IL18R1: variants seen among roughly 807,000 people sequenced by gnomAD.
The protein encoded by IL18R1 is interleukin-18 receptor 1.
Under a neutral mutation model 48.5 loss-of-function variants are expected in IL18R1, and 40 were observed. The observed-to-expected ratio is 0.82, with a 90% CI of 0.64 to 1.07. The LOEUF (loss-of-function observed/expected upper bound fraction) is 1.07. Ranked by LOEUF, IL18R1 falls within the 50% of genes least tolerant of loss-of-function variation. IL18R1 has a pLI of 0.00. For missense variants in IL18R1, 596 were observed against 633.7 expected, an observed-to-expected ratio of 0.94 and a Z score of 0.64; for synonymous variants, 232 against 225.9, an observed-to-expected ratio of 1.03 and a Z score of -0.24.
At chr2:102,386,596 T>G (rs1680241815) in intron 7 of IL18R1, among the ~76,000 whole-genome samples, 1 of 152,228 alleles carries the variant, frequency 6.6e-6, no homozygotes, top group Admixed American at 6.5e-5. Flanking sequence ...ATTTTCAACT[T>G]AGCATCATGA....
Position 102,397,010 on chromosome 2 carries a change from G to C in IL18R1, c.*124G>C. On this transcript the variant is annotated 3_prime_UTR_variant, in exon 11 of 11. Coordinates refer to ENST00000233957, the MANE Select transcript of IL18R1 (RefSeq NM_003855.5). ...TTTGTCAAAATCCTGCTCACAATTT[G>C]AAGATGAAACTTGTCATTAGGTTGG... 1 of 650,590 alleles carries C rather than the reference G, an allele frequency of 1.5e-6. No individual in the cohort carries two copies. Among genetic ancestry groups the C allele is most frequent in the Non-Finnish European group, 2.6e-6 (1 of 383,714 alleles). The allele number at this position is 650,590 out of a possible 1,614,324, so 40.3% of individuals were successfully genotyped here.
rs113335628 is a variant in IL18R1, at chr2:102,382,240, C to A, written c.688+558C>A. The stretch of plus-strand genomic sequence containing the variant: ...TGAGCTGAAATCACACCACTGCACT[C>A]CAGCCTGGGCAACGGAGCAAGACTC... On this transcript the variant is annotated intron_variant, in intron 6 of 10. Coordinates refer to ENST00000233957, the MANE Select transcript of IL18R1 (RefSeq NM_003855.5). Among the ~76,000 whole-genome samples the A allele has an allele frequency of 1.7e-4, 26 of 152,124 alleles. 1 individual carries two copies. Among genetic ancestry groups the A allele is most frequent in the African/African-American group, 6.0e-4 (25 of 41,522 alleles).
intron 2 of IL18R1, among the ~76,000 whole-genome samples, chr2:102,363,077 T>A (rs1678677156): frequency 6.6e-6 from 1 of 152,082 alleles, no homozygotes; most frequent in Admixed American, 6.5e-5. Context: ...ATTAGACAGC[T>A]TAAAAAAATT....
rs1680278381 is a variant in IL18R1 at position 102,387,103 on chromosome 2, C to T, written c.949+103C>T. On this transcript the variant is annotated intron_variant, in intron 8 of 10. Coordinates refer to ENST00000233957, the MANE Select transcript of IL18R1 (RefSeq NM_003855.5). The stretch of plus-strand genomic sequence containing the variant: ...TCATTTTCCACACCAGAACCCAGCT[C>T]CTGAGAGGGGAAATCAGTCACCTCA... The T allele has an allele frequency of 6.5e-5, 81 of 1,237,134 alleles. No individual in the cohort carries two copies. The South Asian group carries it at 1.2e-3, about 18-fold the overall frequency. The allele number at this position is 1,237,134 out of a possible 1,614,324, so 76.6% of individuals were successfully genotyped here.
intron 6 of IL18R1, among the ~76,000 whole-genome samples, chr2:102,382,183 GAA>G (rs1169825614): frequency 1.3e-5 from 2 of 152,144 alleles, no homozygotes; most frequent in African/African-American, 2.4e-5. Context: ...TGAGGCAGGA[GAA>G]TCTCTTGAAC....
chr2:102,367,868 A>G lies in IL18R1; in HGVS notation c.102A>G (p.Glu34=). Residue 34 remains glutamate (E), a synonymous_variant, in exon 3 of 11, where the codon GAA becomes GAG. Coordinates refer to ENST00000233957, the MANE Select transcript of IL18R1 (RefSeq NM_003855.5). Reference sequence around the variant, plus strand: ...CCCACATTACTGTGGTTGAAGGGGAACCTTTCTATCTGAAACATTGCTCGT... The same window carrying G: ...CCCACATTACTGTGGTTGAAGGGGAGCCTTTCTATCTGAAACATTGCTCGT... ...SRPHITVVEG[E]PFYLKHCSCS... is the part of the protein sequence containing the mutation. The G allele has an allele frequency of 6.2e-7, 1 of 1,613,880 alleles. No individual in the cohort carries two copies. Among genetic ancestry groups the G allele is most frequent in the Non-Finnish European group, 8.5e-7 (1 of 1,179,766 alleles).
intron 3 of IL18R1, among the ~76,000 whole-genome samples, chr2:102,369,450 T>C (rs1679115753): frequency 1.3e-5 from 2 of 152,110 alleles, no homozygotes; most frequent in African/African-American, 4.8e-5. Flanking sequence ...GGGTAGCAGA[T>C]AGGAGATGCT....
intron 5 of IL18R1, among the ~76,000 whole-genome samples, chr2:102,380,961 C>T (rs1474722338): frequency 6.6e-6 from 1 of 152,214 alleles, no homozygotes; most frequent in Non-Finnish European, 1.5e-5. Context: ...TGCCAGCTGC[C>T]TTAAGCAAGA....
chr2:102,372,917 G>T (rs1193656751), intron 4 of IL18R1, among the ~76,000 whole-genome samples: 1 of 152,050 alleles, frequency 6.6e-6, no homozygotes, highest in African/African-American at 2.4e-5. Context: ...AGAATTACTG[G>T]ATCAGAGGCT....
At chr2:102,377,590 A>G (rs1360107369) in intron 5 of IL18R1, among the ~76,000 whole-genome samples, 2 of 152,250 alleles carry the variant, frequency 1.3e-5, no homozygotes, top group Non-Finnish European at 2.9e-5. Flanking sequence ...TACTGGGATT[A>G]CAGGCATAAG....
rs760819708 is a variant in IL18R1, at chr2:102,390,115, A to C, written c.1009A>C (p.Ile337Leu). Reference protein sequence around the residue: ...FTRGMIIAVLILVAVVCLVTV... With the variant: ...FTRGMIIAVLLLVAVVCLVTV... ...AAGAGGAATGATCATAGCTGTTTTG[A>C]TCTTGGTGGCAGTAGTGTGCCTAGT... The change falls in exon 9 of 11, where the codon ATC becomes CTC. Residue 337 changes from isoleucine (I) to leucine (L), a missense_variant. Physicochemically the swap from Ile to Leu is conservative, Grantham distance 5 (BLOSUM62 2). This residue lies in a region of IL18R1 where 57 missense variants were observed against 88.2 expected (regional missense o/e 0.65). Coordinates refer to ENST00000233957, the MANE Select transcript of IL18R1 (RefSeq NM_003855.5). 9 of 1,613,754 alleles carry C rather than the reference A, an allele frequency of 5.6e-6. No individual in the cohort carries two copies. The Admixed American group carries it at 6.7e-5, about 12-fold the overall frequency.
intron 8 of IL18R1, among the ~76,000 whole-genome samples, chr2:102,389,333 T>C (rs1680428749): frequency 6.6e-6 from 1 of 152,228 alleles, no homozygotes; most frequent in South Asian, 2.1e-4. Context: ...CACCACATTG[T>C]GATTTGTTGT....
chr2:102,377,927 T>C (rs1380978941), intron 5 of IL18R1, among the ~76,000 whole-genome samples: 1 of 152,248 alleles, frequency 6.6e-6, no homozygotes, highest in Non-Finnish European at 1.5e-5. Flanking sequence ...TCTATTATTC[T>C]GCCTGCCACA....
intron 8 of IL18R1, among the ~76,000 whole-genome samples, chr2:102,389,065 TAC>T (rs1680411542): frequency 6.6e-6 from 1 of 152,186 alleles, no homozygotes; most frequent in East Asian, 1.9e-4. Flanking sequence ...CATACAAGGT[TAC>T]ACATTTATAT....
chr2:102,365,187 G>A (rs182583964), intron 2 of IL18R1, among the ~76,000 whole-genome samples: 2 of 152,084 alleles, frequency 1.3e-5, no homozygotes, highest in African/African-American at 4.8e-5. Context: ...GACAAGGAAG[G>A]TCCCTTCCTA....
intron 9 of IL18R1, among the ~76,000 whole-genome samples, chr2:102,393,200 T>C (rs1437412557): frequency 6.6e-6 from 1 of 152,172 alleles, no homozygotes; most frequent in Non-Finnish European, 1.5e-5. Context: ...ACAACCCTAG[T>C]GGAAGCACTA....
At chr2:102,375,688 C>T (rs902785775) in intron 4 of IL18R1, among the ~76,000 whole-genome samples, 2 of 152,128 alleles carry the variant, frequency 1.3e-5, no homozygotes, top group Non-Finnish European at 2.9e-5. Flanking sequence ...CTCTACTTCC[C>T]AGCATATATT....
chr2:102,397,210 T>A lies in IL18R1; in HGVS notation c.*324T>A. Reference sequence around the variant, plus strand: ...GCTGGACGTGATGCAAAATAACCGATGCCCTACAAAAAGGGCGCATCTTTA... The same window carrying A: ...GCTGGACGTGATGCAAAATAACCGAAGCCCTACAAAAAGGGCGCATCTTTA... On this transcript the variant is annotated 3_prime_UTR_variant, in exon 11 of 11. Transcript: ENST00000233957. 4.2e-6 allele frequency: 1 copy of A among 236,322 alleles called. No individual in the cohort carries two copies. Among genetic ancestry groups the A allele is most frequent in the Non-Finnish European group, 8.1e-6 (1 of 123,340 alleles). The allele number at this position is 236,322 out of a possible 1,614,324, so 14.6% of individuals were successfully genotyped here.
At chr2:102,388,497 G>C (rs1457094136) in intron 8 of IL18R1, among the ~76,000 whole-genome samples, 1 of 152,200 alleles carries the variant, frequency 6.6e-6, no homozygotes, top group Non-Finnish European at 1.5e-5. Flanking sequence ...TTGTGAGGGA[G>C]TGGGGCTCAA....
Sources: allele counts gnomAD v4.1 joint callset (sites outside exome capture counted in the v4.1 genomes callset), GRCh38; gene constraint gnomAD v4.1.1; regional missense constraint gnomAD v4.1.1; transcripts MANE v1.5; gene names NCBI Gene and HGNC (gene_info 2026-07-23, HGNC 2026-07-21).